ELF2: variants seen among roughly 807,000 people sequenced by gnomAD.
The protein encoded by ELF2 is E74 like ETS transcription factor 2.
ELF2 carries 11 observed loss-of-function variants against 54.8 expected under a neutral mutation model. The observed-to-expected ratio is 0.20, with a 90% CI of 0.13 to 0.33. The LOEUF is 0.33. Among genes scored for constraint, ELF2 ranks in the 10% least tolerant of loss-of-function variants. The pLI is 1.00. For missense variants in ELF2, 513 were observed against 703.0 expected (o/e 0.73, Z 3.06); for synonymous variants, 203 against 245.1 (o/e 0.83, Z 1.61).
chr4:139,140,767 A>G (rs1201712455), intron 1 of ELF2, among the ~76,000 whole-genome samples: 1 of 151,962 alleles, frequency 6.6e-6, no homozygotes, highest in Non-Finnish European at 1.5e-5. Flanking sequence ...AAAAAAAAAA[A>G]AGGAAAAGTC....
At chr4:139,172,658 T>C (rs1441672071) in intron 1 of ELF2, among the ~76,000 whole-genome samples, 4 of 152,222 alleles carry the variant, frequency 2.6e-5, no homozygotes, top group African/African-American at 9.6e-5. Context: ...AAAAAAACTT[T>C]ATGCTGTTTG....
chr4:139,060,310 T>G lies in ELF2; in HGVS notation c.1157+14A>C. 6.4e-7 allele frequency: 1 copy of G among 1,568,174 alleles called. No individual in the cohort carries two copies. Among genetic ancestry groups the G allele is most frequent in the Non-Finnish European group, 8.6e-7 (1 of 1,159,892 alleles). ...AAAGTAAATACATTGTAACTAATGG[T>G]TTGCTTCACTTACCTTGGAGCTGCT... On this transcript the variant is annotated intron_variant, in intron 9 of 9. Transcript: ENST00000686138.
chr4:139,159,125 T>C (rs1307851647), intron 1 of ELF2, among the ~76,000 whole-genome samples: 1 of 152,074 alleles, frequency 6.6e-6, no homozygotes, highest in Non-Finnish European at 1.5e-5. Flanking sequence ...ATCCATCCAG[T>C]GAAAGTGTCC....
At chr4:139,148,437 A>C (rs749679172) in intron 1 of ELF2, among the ~76,000 whole-genome samples, 10 of 141,526 alleles carry the variant, frequency 7.1e-5, no homozygotes, top group Admixed American at 1.6e-4. Context: ...TTGGCCTCCC[A>C]AAGTGCTGTG....
chr4:139,102,905 T>A (rs1222166673), intron 4 of ELF2, among the ~76,000 whole-genome samples: 1 of 151,630 alleles, frequency 6.6e-6, no homozygotes, highest in Non-Finnish European at 1.5e-5. Flanking sequence ...TTTTCCCCCC[T>A]GAGACAGGGT....
In ELF2 at chr4:139,114,561, T is replaced by TCCAGTCTCACACACACACACACACACACA. The variant is rs70940492; in HGVS notation, c.238+10602_238+10603insTGTGTGTGTGTGTGTGTGTGTGAGACTGG. ...CTGGCAACAGAGCGAGACTTCAGTC[T>TCCAGTCTCACACACACACACACACACACA]CACACACACACACACACACACACAC... On this transcript the variant is annotated intron_variant, in intron 4 of 9. Transcript: ENST00000686138. 7.6e-3 allele frequency among the ~76,000 whole-genome samples: 825 copies of TCCAGTCTCACACACACACACACACACACA among 108,584 alleles called. 14 individuals are homozygous for TCCAGTCTCACACACACACACACACACACA. Among genetic ancestry groups the TCCAGTCTCACACACACACACACACACACA allele is most frequent in the Admixed American group, 0.019 (162 of 8,652 alleles). 71.2% of individuals were successfully genotyped at this position (108,584 alleles called of 152,430 possible).
At chr4:139,150,427 G>A (rs944726663) in intron 1 of ELF2, among the ~76,000 whole-genome samples, 1 of 150,910 alleles carries the variant, frequency 6.6e-6, no homozygotes, top group Non-Finnish European at 1.5e-5. Flanking sequence ...GCTGAGGTGG[G>A]AGAACCACTT....
At chr4:139,079,960 G>GT (rs2148718983) in intron 4 of ELF2, among the ~76,000 whole-genome samples, 1 of 152,300 alleles carries the variant, frequency 6.6e-6, no homozygotes, top group Admixed American at 6.5e-5. Context: ...AAGTAAAACA[G>GT]TATTTGTCTA....
intron 6 of ELF2, among the ~76,000 whole-genome samples, chr4:139,069,240 A>G (rs1729167364): frequency 6.6e-6 from 1 of 152,180 alleles, no homozygotes. Flanking sequence ...ATGTCACTCT[A>G]TTCTTCATTA....
intron 4 of ELF2, among the ~76,000 whole-genome samples, chr4:139,113,108 A>C (rs1735146010): frequency 6.6e-6 from 1 of 152,226 alleles, no homozygotes; most frequent in South Asian, 2.1e-4. Flanking sequence ...CTATAATCCC[A>C]GCACTGTGGG....
At chr4:139,115,987 G>A (rs1378780568) in intron 4 of ELF2, among the ~76,000 whole-genome samples, 1 of 151,982 alleles carries the variant, frequency 6.6e-6, no homozygotes, top group East Asian at 1.9e-4. Flanking sequence ...GATTACAGGC[G>A]TCCACCACCA....
Position 139,059,239 on chromosome 4 carries a change from C to T in ELF2, c.1526G>A (p.Arg509Lys). 3.1e-6 allele frequency: 5 copies of T among 1,613,914 alleles called. No individual in the cohort carries two copies. The highest frequency in any genetic ancestry group is 4.2e-6 in the Non-Finnish European group (5 of 1,179,856). Reference sequence around the variant, plus strand: ...TGCCTGCTGAGTAGGCATTGATAGTCTCATTACAGGTGTACCATGGGCTAT... The same window carrying T: ...TGCCTGCTGAGTAGGCATTGATAGTTTCATTACAGGTGTACCATGGGCTAT... ...VSIAHGTPVM[R>K]LSMPTQQASG... Residue 509 changes from arginine to lysine, a missense_variant, in exon 10 of 10, where the codon AGA (arginine) becomes AAA (lysine). Transcript: ENST00000686138.
chr4:139,083,547 C>T (rs1731476722), intron 4 of ELF2, among the ~76,000 whole-genome samples: 2 of 152,168 alleles, frequency 1.3e-5, no homozygotes, highest in Non-Finnish European at 2.9e-5. Context: ...GAGGGAGGGT[C>T]AGAGCATTTT....
chr4:139,107,377 G>A (rs998590622), intron 4 of ELF2, among the ~76,000 whole-genome samples: 1 of 152,122 alleles, frequency 6.6e-6, no homozygotes, highest in Non-Finnish European at 1.5e-5. Flanking sequence ...ACATATTTGT[G>A]TTAAAAACCT....
chr4:139,145,228 A>C, intron 1 of ELF2, among the ~76,000 whole-genome samples: 1 of 152,254 alleles, frequency 6.6e-6, no homozygotes, highest in East Asian at 1.9e-4. Context: ...TTAATACTAC[A>C]ACCAGCATTT....
intron 3 of ELF2, among the ~76,000 whole-genome samples, chr4:139,136,614 A>G (rs187416030): frequency 3.3e-5 from 5 of 151,640 alleles, no homozygotes; most frequent in African/African-American, 1.2e-4. Context: ...AATATTGTCC[A>G]TTATTATGAC....
chr4:139,096,823 A>G (rs947950786), intron 4 of ELF2, among the ~76,000 whole-genome samples: 3 of 152,110 alleles, frequency 2.0e-5, no homozygotes, highest in Non-Finnish European at 4.4e-5. Flanking sequence ...TTCCTTGGCA[A>G]CAGGTTTTTC....
At chr4:139,159,032 G>C (rs1330268673) in intron 1 of ELF2, among the ~76,000 whole-genome samples, 1 of 152,192 alleles carries the variant, frequency 6.6e-6, no homozygotes. Context: ...AGAGAGGTGG[G>C]AAGGCCAAAC....
At chr4:139,086,768 A>G (rs1012654663) in intron 4 of ELF2, among the ~76,000 whole-genome samples, 4 of 152,230 alleles carry the variant, frequency 2.6e-5, no homozygotes, top group Non-Finnish European at 5.9e-5. Context: ...TTATATATGA[A>G]ATTAAATAAT....
Sources: allele counts gnomAD v4.1 joint callset (sites outside exome capture counted in the v4.1 genomes callset), GRCh38; gene constraint gnomAD v4.1.1; transcripts MANE v1.5; gene names NCBI Gene and HGNC (gene_info 2026-07-23, HGNC 2026-07-21).